Variants in DDX60L observed in about 807,000 individuals in gnomAD.
DDX60L encodes probable ATP-dependent RNA helicase DDX60-like.
DDX60L carries 191 observed loss-of-function variants against 211.6 expected under a neutral mutation model. The ratio of observed to expected loss-of-function variants is 0.90; its 90% CI spans 0.80 to 1.02. The LOEUF is 1.02. Ranked by LOEUF, DDX60L falls within the 50% of genes least tolerant of loss-of-function variation. The pLI is 0.00. For synonymous variants in DDX60L, 706 were observed against 694.1 expected (o/e 1.02, Z -0.27); for missense variants, 2,007 against 1,984.1 (o/e 1.01, Z -0.22).
chr4:168,407,707 T>C (rs1432996457), intron 22 of DDX60L, among the ~76,000 whole-genome samples: 2 of 152,146 alleles, frequency 1.3e-5, no homozygotes, highest in African/African-American at 2.4e-5. Flanking sequence ...AGATTGGAAA[T>C]ACTGGGCTAA....
intron 26 of DDX60L, 83 bp from the exon 27 acceptor site, chr4:168,396,207 T>A (rs1745758076): frequency 1.2e-6 from 1 of 836,190 alleles, no homozygotes. Context: ...CCCCACAGAT[T>A]TCCCTTGGTC....
rs528555074 is a variant in DDX60L, at chr4:168,398,079, C to T, written c.3492-1955G>A. Among the ~76,000 whole-genome samples, 5 of 152,266 alleles carry T rather than the reference C, an allele frequency of 3.3e-5. No homozygotes were observed. The South Asian group carries it at 1.0e-3, about 32-fold the overall frequency. ...ATCCTTCCAGATATAGCTGCAGCCA[C>T]CCAAGCTGCAACTGTGGACCCAGGC... On this transcript the variant is annotated intron_variant, in intron 26 of 37. Coordinates refer to ENST00000682922, the MANE Select transcript of DDX60L (RefSeq NM_001012967.3).
Position 168,472,576 on chromosome 4 carries a change from A to C in DDX60L, c.5-52T>G, listed in dbSNP as rs949005051. 21 of 1,566,438 alleles carry C rather than the reference A, an allele frequency of 1.3e-5. No homozygotes were observed. In the Admixed American group the frequency reaches 3.7e-4, roughly 27 times the overall value. ...ATCAATATTTTTACACAGCTATATA[A>C]TTTAGTAATTATTAAGGAAATGAAA... On this transcript the variant is annotated intron_variant, in intron 2 of 37. Coordinates refer to ENST00000682922, the MANE Select transcript of DDX60L (RefSeq NM_001012967.3).
Position 168,395,983 on chromosome 4 carries a change from A to G in DDX60L, c.3633T>C (p.Thr1211=). 1 of 1,603,636 alleles carries G rather than the reference A, an allele frequency of 6.2e-7. No individual in the cohort carries two copies. Among genetic ancestry groups the G allele is most frequent in the Non-Finnish European group, 8.5e-7 (1 of 1,175,896 alleles). The change falls in exon 27 of 38, where the codon ACT becomes ACC. Residue 1211 remains threonine, a synonymous_variant. Coordinates refer to ENST00000682922, the MANE Select transcript of DDX60L (RefSeq NM_001012967.3). ...CTGAGTCTTTATTCCTGGTAATTTC[A>G]GTGTGTAGGGCTTTGACATCAGCAT... is the stretch of plus-strand genomic sequence containing the variant. ...CTYADVKALH[T]EITRNKDSTL... is the part of the protein sequence containing the mutation.
intron 31 of DDX60L, 81 bp downstream of exon 31, chr4:168,379,645 A>G: frequency 8.0e-7 from 1 of 1,246,916 alleles, no homozygotes; most frequent in African/African-American, 1.5e-5. Context: ...TGCAGATTAT[A>G]GAAATTTCAG....
intron 36 of DDX60L, among the ~76,000 whole-genome samples, chr4:168,366,973 T>C (rs1384631252): frequency 6.6e-6 from 1 of 151,906 alleles, no homozygotes; most frequent in African/African-American, 2.4e-5. Flanking sequence ...TATATGTGTT[T>C]AATAGGTTAT....
In DDX60L at chr4:168,415,495, A is replaced by T. The variant is rs767720350; in HGVS notation, c.2892T>A (p.Asn964Lys). ...VRLVLCGERY[N>K]DLEKHICSVK... The stretch of plus-strand genomic sequence containing the variant: ...CTGAACATATATGCTTCTCTAAATC[A>T]TTGTATCTCTCTCCACAGAGCACTA... The change falls in exon 22 of 38, where the codon AAT becomes AAA. Residue 964 changes from asparagine (N) to lysine (K), a missense_variant. Asn to Lys is a moderately conservative substitution (Grantham distance 94). Coordinates refer to ENST00000682922, the MANE Select transcript of DDX60L (RefSeq NM_001012967.3). 6.3e-6 allele frequency: 10 copies of T among 1,596,960 alleles called. No individual in the cohort carries two copies. In the East Asian group the frequency reaches 6.8e-5, roughly 11 times the overall value.
chr4:168,420,404 T>G (rs373123231), intron 17 of DDX60L, 24 bp from the exon 18 acceptor site: 2 of 1,591,606 alleles, frequency 1.3e-6, no homozygotes, highest in Non-Finnish European at 1.7e-6. Flanking sequence ...AAAAAAACCA[T>G]TAGTCACTTA....
intron 26 of DDX60L, among the ~76,000 whole-genome samples, 156 bp from the exon 27 acceptor site, chr4:168,396,280 C>T (rs913808181): frequency 1.2e-4 from 18 of 152,250 alleles, no homozygotes; most frequent in South Asian, 6.2e-4. Context: ...CGTGCACTTC[C>T]ACCATTTCAT....
At chr4:168,420,639 C>CACACACGAGATAG (rs10598233) in intron 17 of DDX60L, among the ~76,000 whole-genome samples, 17 of 106,602 alleles carry the variant, frequency 1.6e-4, no homozygotes, top group Non-Finnish European at 2.5e-4. Context: ...CACACACACA[C>CACACACGAGATAG]ATGAGATAGA....
chr4:168,391,446 A>G, intron 29 of DDX60L, 94 bp downstream of exon 29: 2 of 820,386 alleles, frequency 2.4e-6, no homozygotes, highest in Non-Finnish European at 4.1e-6. Context: ...AAGGAAGGAC[A>G]CAAACCGTAG....
intron 29 of DDX60L, chr4:168,390,467 G>A: frequency 7.3e-7 from 1 of 1,368,984 alleles, no homozygotes; most frequent in Admixed American, 3.4e-5. Flanking sequence ...ATGAAATGGA[G>A]ATAAACTCCT....
chr4:168,373,621 T>C (rs371874143), intron 35 of DDX60L, 45 bp downstream of exon 35: 32 of 1,585,590 alleles, frequency 2.0e-5, no homozygotes, highest in East Asian at 9.0e-5. Flanking sequence ...AACCCCACTC[T>C]GTCTGTTAAA....
At chr4:168,395,713 C>T in intron 27 of DDX60L, 1 of 353,978 alleles carries the variant, frequency 2.8e-6, no homozygotes. Flanking sequence ...AGGCTATAAA[C>T]TAATCCAGGA....
At chr4:168,376,892 CT>C (rs1253210710) in intron 33 of DDX60L, among the ~76,000 whole-genome samples, 1 of 152,118 alleles carries the variant, frequency 6.6e-6, no homozygotes, top group Non-Finnish European at 1.5e-5. Context: ...TGCTAATTGA[CT>C]AATATAGAGC....
At chr4:168,406,855 G>GC (rs1747831424) in intron 22 of DDX60L, 149 bp from the exon 23 acceptor site, 1 of 611,490 alleles carries the variant, frequency 1.6e-6, no homozygotes. Flanking sequence ...TTTCACCTCT[G>GC]CAAGGATCTG....
intron 26 of DDX60L, among the ~76,000 whole-genome samples, chr4:168,399,123 C>A (rs574086818): frequency 5.9e-5 from 9 of 152,332 alleles, no homozygotes; most frequent in Non-Finnish European, 1.2e-4. Flanking sequence ...GTACCTCATT[C>A]TTCCTGGATA....
At chr4:168,385,792 A>G (rs1743756524) in intron 29 of DDX60L, among the ~76,000 whole-genome samples, 1 of 152,214 alleles carries the variant, frequency 6.6e-6, no homozygotes, top group Non-Finnish European at 1.5e-5. Flanking sequence ...TTTTGCTCAT[A>G]TTCAGAGGCA....
At chr4:168,379,884 C>T in intron 30 of DDX60L, 54 bp from the exon 31 acceptor site, 1 of 1,294,130 alleles carries the variant, frequency 7.7e-7, no homozygotes, top group South Asian at 1.3e-5. Flanking sequence ...TTTGTAAATA[C>T]TGATATGTAA....
Sources: allele counts gnomAD v4.1 joint callset (sites outside exome capture counted in the v4.1 genomes callset), GRCh38; gene constraint gnomAD v4.1.1; transcripts MANE v1.5; gene names NCBI Gene and HGNC (gene_info 2026-07-23, HGNC 2026-07-21).